Variants in RASSF9 observed in about 807,000 individuals in gnomAD.
The protein encoded by RASSF9 is ras association domain-containing protein 9.
Under a neutral mutation model 21.4 loss-of-function variants are expected in RASSF9, and 18 were observed. The observed-to-expected ratio is 0.84, with a 90% confidence interval of 0.58 to 1.25. The LOEUF (loss-of-function observed/expected upper bound fraction) is 1.25. Ranked by LOEUF, RASSF9 falls within the 50% of genes most tolerant of loss-of-function variation. The pLI, the probability that RASSF9 is intolerant of heterozygous loss-of-function variation, is 0.00. For synonymous variants in RASSF9, 183 were observed against 179.1 expected, an observed-to-expected ratio of 1.02 and a Z score of -0.18; for missense variants, 480 against 503.2, an observed-to-expected ratio of 0.95 and a Z score of 0.44.
At chr12:85,809,363 C>A (rs780835800) in intron 1 of RASSF9, among the ~76,000 whole-genome samples, 1 of 152,008 alleles carries the variant, frequency 6.6e-6, no homozygotes, top group Non-Finnish European at 1.5e-5. Context: ...CTCAAATGAT[C>A]GAGGAAGAAC....
At chr12:85,813,832 C>T (rs116994282) in intron 1 of RASSF9, among the ~76,000 whole-genome samples, 3,138 of 151,860 alleles carry the variant, frequency 0.021, 34 homozygotes, top group African/African-American at 0.029. Context: ...TATATGAAGA[C>T]TAGGATGCAA....
At chr12:85,818,590 A>G (rs1302524834) in intron 1 of RASSF9, among the ~76,000 whole-genome samples, 1 of 152,212 alleles carries the variant, frequency 6.6e-6, no homozygotes, top group Non-Finnish European at 1.5e-5. Context: ...ACAATGCAAT[A>G]TTCAATAATT....
intron 1 of RASSF9, among the ~76,000 whole-genome samples, chr12:85,811,271 T>C (rs1879947610): frequency 6.6e-6 from 1 of 151,760 alleles, no homozygotes; most frequent in South Asian, 2.1e-4. Context: ...TCTGGAATAC[T>C]AGAGGAATAG....
At chr12:85,806,030 C>T (rs1879824386) in intron 1 of RASSF9, 68 bp from the exon 2 acceptor site, 7 of 1,472,726 alleles carry the variant, frequency 4.8e-6, no homozygotes, top group South Asian at 1.4e-5. Flanking sequence ...GATGGTTTAA[C>T]ATTAGTATGC....
chr12:85,830,177 C>T (rs1398620199), intron 1 of RASSF9, among the ~76,000 whole-genome samples: 2 of 152,102 alleles, frequency 1.3e-5, no homozygotes, highest in Non-Finnish European at 2.9e-5. Context: ...ATATGCATAC[C>T]TGGCTGTGTT....
rs544373392 is a variant in RASSF9, at chr12:85,817,988, G to T, written c.48-12026C>A. 2.6e-5 allele frequency among the ~76,000 whole-genome samples: 4 copies of T among 152,240 alleles called. No homozygotes were observed. The East Asian group carries it at 5.8e-4, about 22-fold the overall frequency. On this transcript the variant is annotated intron_variant, in intron 1 of 1. Coordinates refer to ENST00000361228, the MANE Select transcript of RASSF9 (RefSeq NM_005447.4). ...ACTTCCACAACCCTTTGTAGAAAGA[G>T]CTTCAAGAGATTTAATGTGGGATGA...
At position 85,835,077 on chromosome 12, in the gene RASSF9, G is replaced by T. The variant is rs544455821; in HGVS notation, c.47+1078C>A. ...ATGAGTTAAAAACAGGATTTTCAAA[G>T]TAGACATGTGTGCGCAAAATAAAGT... is the stretch of plus-strand genomic sequence containing the variant. On this transcript the variant is annotated intron_variant, in intron 1 of 1. Coordinates refer to ENST00000361228, the MANE Select transcript of RASSF9 (RefSeq NM_005447.4). 4.6e-5 allele frequency among the ~76,000 whole-genome samples: 7 copies of T among 152,184 alleles called. No homozygotes were observed. In the South Asian group the frequency reaches 1.5e-3, roughly 32 times the overall value.
In RASSF9 at chr12:85,804,973, C is replaced by T; in HGVS notation, c.1037G>A (p.Ser346Asn). 6.2e-7 allele frequency: 1 copy of T among 1,613,850 alleles called. No individual in the cohort carries two copies. Among genetic ancestry groups the T allele is most frequent in the Non-Finnish European group, 8.5e-7 (1 of 1,179,778 alleles). The part of the protein sequence containing the change: ...LSGIQKEIKY[S>N]DSLLQMKAKE... Reference sequence around the variant, plus strand: ...TGCTTTCATCTGAAGCAATGAGTCACTGTATTTAATCTCTTTCTGGATGCC... The same window carrying T: ...TGCTTTCATCTGAAGCAATGAGTCATTGTATTTAATCTCTTTCTGGATGCC... Residue 346 changes from serine to asparagine, a missense_variant, in exon 2 of 2, where the codon AGT becomes AAT. By Grantham distance (46) the Ser-to-Asn change is conservative. Coordinates refer to ENST00000361228, the MANE Select transcript of RASSF9 (RefSeq NM_005447.4).
intron 1 of RASSF9, among the ~76,000 whole-genome samples, chr12:85,825,674 C>A (rs1880317843): frequency 6.6e-6 from 1 of 152,020 alleles, no homozygotes; most frequent in South Asian, 2.1e-4. Flanking sequence ...CCCCAGAAAT[C>A]TGCACTGTAT....
chr12:85,815,434 G>A (rs1298062777), intron 1 of RASSF9, among the ~76,000 whole-genome samples: 1 of 151,990 alleles, frequency 6.6e-6, no homozygotes, highest in Non-Finnish European at 1.5e-5. Flanking sequence ...TAAAGCAATG[G>A]TTGCTCCTTT....
chr12:85,821,660 AGTGTGT>A (rs148251325), intron 1 of RASSF9, among the ~76,000 whole-genome samples: 3 of 151,308 alleles, frequency 2.0e-5, no homozygotes, highest in Non-Finnish European at 4.4e-5. Flanking sequence ...TGTATATACG[AGTGTGT>A]GTGTGTGTGT....
intron 1 of RASSF9, among the ~76,000 whole-genome samples, chr12:85,831,945 G>T (rs1298793982): frequency 1.3e-5 from 2 of 151,906 alleles, no homozygotes; most frequent in African/African-American, 4.8e-5. Flanking sequence ...CAAATTTTAT[G>T]TATCAATTAT....
chr12:85,815,388 A>C lies in RASSF9; in HGVS notation c.48-9426T>G, dbSNP rs199885853. Among the ~76,000 whole-genome samples the C allele has an allele frequency of 6.6e-5, 10 of 152,258 alleles. No individual in the cohort carries two copies. In the East Asian group the frequency reaches 1.9e-3, roughly 29 times the overall value. On this transcript the variant is annotated intron_variant, in intron 1 of 1. Transcript: ENST00000361228. Reference sequence around the variant, plus strand: ...TTGGTGACATGCATTATTCTAAACAAAAATATGGTTATTTGTGCTTTCTGA... The same window carrying C: ...TTGGTGACATGCATTATTCTAAACACAAATATGGTTATTTGTGCTTTCTGA...
At chr12:85,811,994 C>G (rs1029258827) in intron 1 of RASSF9, among the ~76,000 whole-genome samples, 1 of 151,700 alleles carries the variant, frequency 6.6e-6, no homozygotes, top group Non-Finnish European at 1.5e-5. Context: ...TTGGACTTGA[C>G]TTGAACTAGT....
At position 85,836,134 on chromosome 12, in the gene RASSF9, T is replaced by C. The variant is rs1565759307; in HGVS notation, c.47+21A>G. ...ACACACACAGAGACACACACACACT[T>C]ACTCACACGCTTGACTTTACCTGTT... is the stretch of plus-strand genomic sequence containing the variant. On this transcript the variant is annotated intron_variant, in intron 1 of 1. Transcript: ENST00000361228. The C allele has an allele frequency of 3.2e-6, 5 of 1,551,102 alleles. No homozygotes were observed. The South Asian group carries it at 6.0e-5, about 18-fold the overall frequency.
chr12:85,818,883 C>CGGGAGGT (rs1880140415), intron 1 of RASSF9, among the ~76,000 whole-genome samples: 1 of 143,642 alleles, frequency 7.0e-6, no homozygotes, highest in South Asian at 2.2e-4. Flanking sequence ...GGCGTGAACC[C>CGGGAGGT]GGGAGGTGGA....
intron 1 of RASSF9, among the ~76,000 whole-genome samples, chr12:85,822,950 C>T (rs1880247624): frequency 6.6e-6 from 1 of 152,100 alleles, no homozygotes; most frequent in East Asian, 1.9e-4. Flanking sequence ...CCTGTAATCC[C>T]AGCACTTTGC....
intron 1 of RASSF9, among the ~76,000 whole-genome samples, chr12:85,830,563 A>AT (rs983721214): frequency 5.3e-5 from 8 of 152,074 alleles, no homozygotes; most frequent in African/African-American, 1.2e-4. Context: ...ATACTCAATG[A>AT]TTTTTTTAAC....
intron 1 of RASSF9, among the ~76,000 whole-genome samples, chr12:85,809,665 AATAATGATGATGATG>A (rs1879908515): frequency 7.5e-6 from 1 of 133,676 alleles, no homozygotes; most frequent in Non-Finnish European, 1.6e-5. Context: ...GTAGAATAGT[AATAATGATGATGATG>A]ATGATGATGA....
Sources: gnomAD v4.1 joint callset for allele counts (sites outside exome capture counted in the v4.1 genomes callset) on GRCh38, gnomAD v4.1.1 for gene constraint, MANE v1.5 for transcripts, NCBI Gene and HGNC (gene_info 2026-07-23, HGNC 2026-07-21) for gene names.